The following ARHGAP15 variants were observed in gnomAD, a reference collection of about 807,000 sequenced individuals.
ARHGAP15 encodes Rho GTPase activating protein 15.
Under a neutral mutation model 63.7 loss-of-function variants are expected in ARHGAP15, and 51 were observed. That is an observed-to-expected ratio of 0.80 (90% confidence interval 0.64 to 1.01). The LOEUF (loss-of-function observed/expected upper bound fraction) is 1.01, where lower values mean the gene tolerates loss of function less well. Ranked by LOEUF, ARHGAP15 falls within the 50% of genes least tolerant of loss-of-function variation. ARHGAP15 has a pLI of 0.00. For missense variants in ARHGAP15, 560 were observed against 564.6 expected (o/e 0.99, Z 0.08); for synonymous variants, 191 against 193.8 (o/e 0.99, Z 0.12).
intron 11 of ARHGAP15, among the ~76,000 whole-genome samples, chr2:143,558,541 A>T (rs572780990): frequency 6.6e-6 from 1 of 152,336 alleles, no homozygotes; most frequent in African/African-American, 2.4e-5. Flanking sequence ...TTTCAGAAAC[A>T]TTAAAATTTG....
chr2:143,575,976 G>A (rs1167737252), intron 11 of ARHGAP15, among the ~76,000 whole-genome samples: 2 of 152,100 alleles, frequency 1.3e-5, no homozygotes, highest in Non-Finnish European at 2.9e-5. Context: ...GAAGGAATGT[G>A]TTATTCTGAC....
intron 6 of ARHGAP15, among the ~76,000 whole-genome samples, chr2:143,369,138 G>C (rs978142622): frequency 6.6e-6 from 1 of 152,058 alleles, no homozygotes; most frequent in Admixed American, 6.6e-5. Flanking sequence ...GCAGAATTTA[G>C]TTTTAAATGC....
At chr2:143,261,809 T>C (rs1680737984) in intron 6 of ARHGAP15, among the ~76,000 whole-genome samples, 1 of 152,148 alleles carries the variant, frequency 6.6e-6, no homozygotes, top group Admixed American at 6.5e-5. Flanking sequence ...AATTAAGAAC[T>C]AGCAAGAGTG....
At position 143,569,996 on chromosome 2, in the gene ARHGAP15, G is replaced by A. The variant is rs530814885; in HGVS notation, c.1003+13511G>A. Among the ~76,000 whole-genome samples the A allele has an allele frequency of 2.0e-5, 3 of 152,132 alleles. No homozygotes were observed. In the South Asian group the frequency reaches 6.2e-4, roughly 32 times the overall value. On this transcript the variant is annotated intron_variant, in intron 11 of 13. Transcript: ENST00000295095. ...CACCTCTTAATAATTGTGTTGTCTT[G>A]CCCAAGTCATTTAACCTCCCCAGGT...
chr2:143,648,708 T>G (rs1681014281), intron 12 of ARHGAP15: 1 of 151,930 alleles, frequency 6.6e-6, no homozygotes, highest in South Asian at 2.1e-4. Context: ...ATGAAAAGAG[T>G]TACCTTGTAT....
At chr2:143,498,350 C>T (rs1391108543) in intron 9 of ARHGAP15, among the ~76,000 whole-genome samples, 1 of 152,086 alleles carries the variant, frequency 6.6e-6, no homozygotes, top group African/African-American at 2.4e-5. Context: ...CTATTCTTCT[C>T]TGTGGGAGGG....
intron 6 of ARHGAP15, among the ~76,000 whole-genome samples, chr2:143,283,490 G>A (rs1450734120): frequency 6.6e-6 from 1 of 152,072 alleles, no homozygotes; most frequent in Non-Finnish European, 1.5e-5. Context: ...ATCCTGTTGT[G>A]TATGTTCACA....
chr2:143,732,893 C>A (rs1685595059), intron 13 of ARHGAP15, among the ~76,000 whole-genome samples: 1 of 149,298 alleles, frequency 6.7e-6, no homozygotes, highest in East Asian at 2.0e-4. Context: ...ACCCTCCTTC[C>A]CCATTTTTGT....
intron 6 of ARHGAP15, among the ~76,000 whole-genome samples, chr2:143,347,991 G>A (rs572238566): frequency 3.3e-5 from 5 of 152,108 alleles, no homozygotes; most frequent in African/African-American, 4.8e-5. Context: ...ATAAATCAGA[G>A]TGATGATCAT....
chr2:143,533,163 A>T (rs1694592974), intron 10 of ARHGAP15: 1 of 152,214 alleles, frequency 6.6e-6, no homozygotes, highest in Admixed American at 6.5e-5. Flanking sequence ...GATGATGAGC[A>T]GGGGGAATGC....
At chr2:143,276,805 A>C (rs1167847673) in intron 6 of ARHGAP15, among the ~76,000 whole-genome samples, 1 of 152,138 alleles carries the variant, frequency 6.6e-6, no homozygotes, top group East Asian at 1.9e-4. Context: ...TCTCTTAAAA[A>C]ACAAAACAAA....
At chr2:143,535,609 G>A (rs1342206529) in intron 10 of ARHGAP15, among the ~76,000 whole-genome samples, 1 of 152,142 alleles carries the variant, frequency 6.6e-6, no homozygotes, top group Non-Finnish European at 1.5e-5. Flanking sequence ...GGAACCAATG[G>A]CATAAAATCC....
chr2:143,269,066 C>T (rs771442191), intron 6 of ARHGAP15, among the ~76,000 whole-genome samples: 10 of 152,092 alleles, frequency 6.6e-5, no homozygotes, highest in Non-Finnish European at 1.3e-4. Context: ...CTATGGTTTG[C>T]ATGTTTCCTA....
At chr2:143,362,590 G>C (rs1430779393) in intron 6 of ARHGAP15, among the ~76,000 whole-genome samples, 2 of 152,212 alleles carry the variant, frequency 1.3e-5, no homozygotes, top group African/African-American at 4.8e-5. Flanking sequence ...ACATCCAACT[G>C]TTTCTTTGAT....
chr2:143,281,754 A>G (rs1166574233), intron 6 of ARHGAP15, among the ~76,000 whole-genome samples: 1 of 152,186 alleles, frequency 6.6e-6, no homozygotes, highest in East Asian at 1.9e-4. Flanking sequence ...TTCATTAGCA[A>G]TGATAGACTC....
At chr2:143,591,117 A>G (rs1697304329) in intron 11 of ARHGAP15, among the ~76,000 whole-genome samples, 1 of 152,200 alleles carries the variant, frequency 6.6e-6, no homozygotes, top group South Asian at 2.1e-4. Flanking sequence ...ATGTGCATAT[A>G]GGAGCTAAAA....
chr2:143,432,532 G>T (rs569600805), intron 6 of ARHGAP15, among the ~76,000 whole-genome samples: 1 of 151,982 alleles, frequency 6.6e-6, no homozygotes, highest in African/African-American at 2.4e-5. Flanking sequence ...AAGAGGAACC[G>T]TACCAAGGAC....
At chr2:143,330,980 G>T (rs189123894) in intron 6 of ARHGAP15, among the ~76,000 whole-genome samples, 1 of 152,234 alleles carries the variant, frequency 6.6e-6, no homozygotes, top group East Asian at 1.9e-4. Context: ...GTAAGCTGAT[G>T]GTCCTCGTTG....
intron 12 of ARHGAP15, among the ~76,000 whole-genome samples, chr2:143,663,722 T>G (rs1681973306): frequency 6.6e-6 from 1 of 151,000 alleles, no homozygotes; most frequent in East Asian, 1.9e-4. Context: ...TGGAGGAAGA[T>G]CTACCAAGCA....
Sources: allele counts gnomAD v4.1 joint callset (sites outside exome capture counted in the v4.1 genomes callset), GRCh38; gene constraint gnomAD v4.1.1; transcripts MANE v1.5; gene names NCBI Gene and HGNC (gene_info 2026-07-23, HGNC 2026-07-21).